PLA2G4A: variants seen among roughly 807,000 people sequenced by gnomAD.
PLA2G4A encodes cytosolic phospholipase A2.
PLA2G4A carries 40 observed loss-of-function variants against 81.9 expected under a neutral mutation model. That is an observed-to-expected ratio of 0.49 (90% CI 0.38 to 0.64). PLA2G4A has a LOEUF of 0.64. PLA2G4A is among the 30% of genes least tolerant of loss of function. The pLI is 0.00. For synonymous variants in PLA2G4A, 302 were observed against 296.9 expected, an observed-to-expected ratio of 1.02 and a Z score of -0.18; for missense variants, 715 against 905.1, an observed-to-expected ratio of 0.79 and a Z score of 2.69.
In PLA2G4A at chr1:186,885,477, G is replaced by A. The variant is rs141928702; in HGVS notation, c.116-7534G>A. On this transcript the variant is annotated intron_variant, in intron 3 of 17. Coordinates refer to ENST00000367466, the MANE Select transcript of PLA2G4A (RefSeq NM_024420.3). ...TCTCTGCCTGCCAGAGAATAAAGTG[G>A]GTCATCTGTGGAGGTAGATCTAGCT... is the stretch of plus-strand genomic sequence containing the variant. Among the ~76,000 whole-genome samples the A allele has an allele frequency of 2.9e-3, 443 of 152,184 alleles. 1 individual carries two copies. Among genetic ancestry groups the A allele is most frequent in the African/African-American group, 9.7e-3 (405 of 41,542 alleles).
At chr1:186,870,831 T>A (rs1653240215) in intron 3 of PLA2G4A, 1 of 784,648 alleles carries the variant, frequency 1.3e-6, no homozygotes, top group Non-Finnish European at 2.1e-6. Flanking sequence ...AATCAGAGGT[T>A]CTGCCTTCTT....
At chr1:186,837,113 T>C (rs1651803589) in intron 1 of PLA2G4A, among the ~76,000 whole-genome samples, 2 of 152,030 alleles carry the variant, frequency 1.3e-5, no homozygotes. Flanking sequence ...GGAGGGAAAG[T>C]GGTTCTAGAG....
intron 2 of PLA2G4A, among the ~76,000 whole-genome samples, chr1:186,861,354 C>T (rs1044504626): frequency 5.3e-5 from 8 of 152,162 alleles, no homozygotes; most frequent in Non-Finnish European, 8.8e-5. Flanking sequence ...TCTCCTCTTC[C>T]GGATCAGCAA....
intron 7 of PLA2G4A, among the ~76,000 whole-genome samples, chr1:186,912,784 T>TTA (rs68042430): frequency 1.7e-5 from 2 of 120,796 alleles, no homozygotes; most frequent in African/African-American, 3.6e-5. Flanking sequence ...ATATGTATAC[T>TTA]TATATATATA....
intron 8 of PLA2G4A, 123 bp downstream of exon 8, chr1:186,933,022 C>G: frequency 1.3e-6 from 1 of 742,490 alleles, no homozygotes. Context: ...CTGAAACTTT[C>G]CAGTTTGATG....
At chr1:186,865,777 T>C (rs1206139098) in intron 2 of PLA2G4A, among the ~76,000 whole-genome samples, 3 of 152,200 alleles carry the variant, frequency 2.0e-5, no homozygotes, top group African/African-American at 7.2e-5. Context: ...TTGGTATAAA[T>C]TGGTTCTTTT....
intron 3 of PLA2G4A, among the ~76,000 whole-genome samples, chr1:186,871,473 T>G (rs540744331): frequency 2.8e-4 from 43 of 152,262 alleles, no homozygotes; most frequent in Admixed American, 2.5e-3. Context: ...GATTGCAATG[T>G]ATCGTCCAGG....
intron 6 of PLA2G4A, among the ~76,000 whole-genome samples, chr1:186,907,671 T>G (rs1654789967): frequency 6.6e-6 from 1 of 152,230 alleles, no homozygotes. Flanking sequence ...TAGTACATAT[T>G]TTACACAAAT....
intron 7 of PLA2G4A, among the ~76,000 whole-genome samples, chr1:186,923,563 A>C (rs1054139445): frequency 6.6e-5 from 10 of 152,220 alleles, no homozygotes; most frequent in Non-Finnish European, 1.2e-4. Context: ...AATGATATTT[A>C]AGCAAACAAA....
intron 7 of PLA2G4A, among the ~76,000 whole-genome samples, chr1:186,917,693 G>A (rs796405034): frequency 6.6e-6 from 1 of 152,256 alleles, no homozygotes; most frequent in African/African-American, 2.4e-5. Flanking sequence ...ACCTTGTAGG[G>A]CTTTTCAGTT....
chr1:186,840,587 G>T (rs1454912400), intron 1 of PLA2G4A, among the ~76,000 whole-genome samples: 2 of 152,128 alleles, frequency 1.3e-5, no homozygotes, highest in East Asian at 3.9e-4. Context: ...TCCTCTTAAA[G>T]ATCATAGTAA....
At chr1:186,911,802 G>T (rs754031921) in intron 7 of PLA2G4A, among the ~76,000 whole-genome samples, 1 of 152,082 alleles carries the variant, frequency 6.6e-6, no homozygotes, top group South Asian at 2.1e-4. Flanking sequence ...CATGATTATG[G>T]AGGCCAAGCA....
At chr1:186,949,994 C>T (rs973617178) in intron 12 of PLA2G4A, among the ~76,000 whole-genome samples, 4 of 152,204 alleles carry the variant, frequency 2.6e-5, no homozygotes, top group Non-Finnish European at 2.9e-5. Context: ...GAGATCATGC[C>T]ACTGCAGGCC....
Position 186,907,628 on chromosome 1 carries a change from C to A in PLA2G4A, c.416+626C>A, listed in dbSNP as rs12720552. 5.8e-4 allele frequency among the ~76,000 whole-genome samples: 89 copies of A among 152,336 alleles called. 2 individuals are homozygous for A. The East Asian group carries it at 0.015, about 26-fold the overall frequency. On this transcript the variant is annotated intron_variant, in intron 6 of 17. Transcript: ENST00000367466. ...CTTAACCTCTCTGCATCTCTTTGAA[C>A]TTCCCTGTTGAACTTGATTTGACCA...
chr1:186,855,000 A>T (rs1013429772), intron 2 of PLA2G4A, among the ~76,000 whole-genome samples: 2 of 151,996 alleles, frequency 1.3e-5, no homozygotes, highest in Admixed American at 6.6e-5. Context: ...TAAAGGTTTT[A>T]TGGATATTTA....
intron 17 of PLA2G4A, among the ~76,000 whole-genome samples, chr1:186,981,089 A>G (rs1208315262): frequency 1.3e-5 from 2 of 152,210 alleles, no homozygotes; most frequent in African/African-American, 4.8e-5. Context: ...GTTGCATTTT[A>G]TAAAACCTCA....
intron 15 of PLA2G4A, among the ~76,000 whole-genome samples, chr1:186,970,556 T>G (rs7513536): frequency 0.039 from 5,961 of 152,138 alleles, 392 homozygotes; most frequent in African/African-American, 0.14. Context: ...GATGTTACTC[T>G]TTAATTGATT....
intron 3 of PLA2G4A, among the ~76,000 whole-genome samples, chr1:186,879,034 C>T (rs990249288): frequency 1.3e-5 from 2 of 151,668 alleles, no homozygotes; most frequent in African/African-American, 4.8e-5. Context: ...ATTATAAAAT[C>T]TTTCTTAAAA....
chr1:186,935,695 T>G (rs746325363), intron 8 of PLA2G4A, among the ~76,000 whole-genome samples: 5 of 151,814 alleles, frequency 3.3e-5, no homozygotes, highest in Non-Finnish European at 5.9e-5. Context: ...AAAGTACAGG[T>G]GAGAAGGTAA....
Sources: allele counts gnomAD v4.1 joint callset (sites outside exome capture counted in the v4.1 genomes callset), GRCh38; gene constraint gnomAD v4.1.1; transcripts MANE v1.5; gene names NCBI Gene and HGNC (gene_info 2026-07-23, HGNC 2026-07-21).